SLC16A7: variants seen among roughly 807,000 people sequenced by gnomAD.
The protein encoded by SLC16A7 is monocarboxylate transporter 2.
In SLC16A7, 33 loss-of-function variants were observed where a neutral mutation model predicts 34.9. The ratio of observed to expected loss-of-function variants is 0.94; its 90% CI spans 0.72 to 1.26. The LOEUF is 1.26. Among genes scored for constraint, SLC16A7 ranks in the 50% most tolerant of loss-of-function variants. SLC16A7 has a pLI of 0.00. For synonymous variants in SLC16A7, 201 were observed against 206.6 expected (o/e 0.97, Z 0.23); for missense variants, 573 against 578.1 (o/e 0.99, Z 0.09).
At chr12:59,657,154 A>T (rs954820082) in intron 2 of SLC16A7, among the ~76,000 whole-genome samples, 11 of 152,050 alleles carry the variant, frequency 7.2e-5, no homozygotes, top group Admixed American at 3.3e-4. Context: ...CTTTATTCAG[A>T]TATAGATAGG....
At chr12:59,675,239 G>T (rs1285276690) in intron 2 of SLC16A7, among the ~76,000 whole-genome samples, 2 of 152,068 alleles carry the variant, frequency 1.3e-5, no homozygotes, top group Non-Finnish European at 2.9e-5. Context: ...TAGTGTTATG[G>T]GCTGAATCTT....
chr12:59,714,537 C>G (rs1159770134), intron 3 of SLC16A7, among the ~76,000 whole-genome samples: 2 of 151,496 alleles, frequency 1.3e-5, no homozygotes, highest in African/African-American at 4.8e-5. Context: ...TGTGCACCCA[C>G]CCCTGGTGTC....
chr12:59,607,083 C>A (rs898475858), intron 1 of SLC16A7, among the ~76,000 whole-genome samples: 6 of 152,146 alleles, frequency 3.9e-5, no homozygotes, highest in African/African-American at 1.2e-4. Context: ...TGGCTGCCTT[C>A]CTGCTGCAGG....
chr12:59,615,804 T>C (rs1271971481), intron 1 of SLC16A7, among the ~76,000 whole-genome samples: 1 of 152,206 alleles, frequency 6.6e-6, no homozygotes, highest in Non-Finnish European at 1.5e-5. Context: ...TTCACTTTAT[T>C]CATGAGAGAT....
intron 3 of SLC16A7, among the ~76,000 whole-genome samples, chr12:59,760,606 T>G (rs1408586513): frequency 6.6e-6 from 1 of 152,088 alleles, no homozygotes; most frequent in Non-Finnish European, 1.5e-5. Context: ...AAGATCTTAC[T>G]GTACTATACT....
chr12:59,770,632 G>A (rs1321243609), intron 3 of SLC16A7, among the ~76,000 whole-genome samples: 1 of 152,136 alleles, frequency 6.6e-6, no homozygotes, highest in African/African-American at 2.4e-5. Context: ...GCCTCTTGAT[G>A]AACCTATATT....
chr12:59,628,364 A>G (rs1880019660), intron 1 of SLC16A7, among the ~76,000 whole-genome samples: 1 of 151,872 alleles, frequency 6.6e-6, no homozygotes, highest in Non-Finnish European at 1.5e-5. Flanking sequence ...GCAATCATGT[A>G]CTAGCCTCCA....
intron 3 of SLC16A7, among the ~76,000 whole-genome samples, chr12:59,725,149 T>G (rs1795882): frequency 0.044 from 6,711 of 151,964 alleles, 476 homozygotes; most frequent in African/African-American, 0.15. Flanking sequence ...AGAATACTAT[T>G]TTTGATGCGT....
chr12:59,774,675 A>G lies in SLC16A7; in HGVS notation c.380A>G (p.Asn127Ser). ...GFITGLGLAF[N>S]LQPALTIIGK... ...TTTTTAGGTTTAGGTTTAGCCTTCAACCTGCAACCCGCCTTAACCATAATT... is the reference window on the plus strand; with the variant it reads ...TTTTTAGGTTTAGGTTTAGCCTTCAGCCTGCAACCCGCCTTAACCATAATT... The change falls in exon 5 of 6, where the codon AAC becomes AGC. Residue 127 changes from asparagine (N) to serine (S), a missense_variant. By Grantham distance (46) the Asn-to-Ser change is conservative. Coordinates refer to ENST00000547379, the MANE Select transcript of SLC16A7 (RefSeq NM_001270623.2). The G allele has an allele frequency of 6.3e-7, 1 of 1,590,694 alleles. No homozygotes were observed. The highest frequency in any genetic ancestry group is 8.5e-7 in the Non-Finnish European group (1 of 1,170,570).
At chr12:59,605,411 C>T (rs1657366029) in intron 1 of SLC16A7, among the ~76,000 whole-genome samples, 1 of 152,112 alleles carries the variant, frequency 6.6e-6, no homozygotes, top group Non-Finnish European at 1.5e-5. Context: ...GGCAAGACTC[C>T]CATGGAAGCC....
At chr12:59,621,282 T>A (rs1879685748) in intron 1 of SLC16A7, among the ~76,000 whole-genome samples, 1 of 151,896 alleles carries the variant, frequency 6.6e-6, no homozygotes, top group Non-Finnish European at 1.5e-5. Context: ...TATAGTCTTC[T>A]TTCCTGGATA....
At chr12:59,640,783 A>G (rs1477904294) in intron 1 of SLC16A7, among the ~76,000 whole-genome samples, 4 of 152,216 alleles carry the variant, frequency 2.6e-5, no homozygotes, top group Admixed American at 2.6e-4. Flanking sequence ...GAAGCCTCAT[A>G]AAGAGTCTGA....
At chr12:59,670,585 T>A (rs1869598364) in intron 2 of SLC16A7, among the ~76,000 whole-genome samples, 1 of 152,150 alleles carries the variant, frequency 6.6e-6, no homozygotes. Context: ...TTCCTCTCCA[T>A]CTGTGAATCT....
chr12:59,665,420 C>G (rs541334675), intron 2 of SLC16A7, among the ~76,000 whole-genome samples: 7 of 150,994 alleles, frequency 4.6e-5, no homozygotes, highest in African/African-American at 1.7e-4. Context: ...ATATTTGTAA[C>G]TATGTATGTG....
chr12:59,716,710 A>G (rs981978634), intron 3 of SLC16A7, among the ~76,000 whole-genome samples: 14 of 152,024 alleles, frequency 9.2e-5, no homozygotes, highest in Admixed American at 2.6e-4. Context: ...TTACTGGGGT[A>G]TGGTGGTGTG....
At chr12:59,654,691 GCACA>G (rs757897535) in intron 1 of SLC16A7, among the ~76,000 whole-genome samples, 21 of 137,602 alleles carry the variant, frequency 1.5e-4, no homozygotes, top group South Asian at 4.9e-4. Context: ...ACATAGGCAT[GCACA>G]CACACACACA....
chr12:59,630,432 T>A (rs73357279), intron 1 of SLC16A7, among the ~76,000 whole-genome samples: 3,703 of 151,920 alleles, frequency 0.024, 161 homozygotes, highest in African/African-American at 0.085. Context: ...TTAATAAACC[T>A]CTTTGAGGCT....
At chr12:59,672,694 A>G (rs948450089) in intron 2 of SLC16A7, among the ~76,000 whole-genome samples, 1 of 152,122 alleles carries the variant, frequency 6.6e-6, no homozygotes, top group Non-Finnish European at 1.5e-5. Flanking sequence ...TTACATTCAC[A>G]TGTAAATTTA....
chr12:59,623,037 T>G (rs1879763493), intron 1 of SLC16A7, among the ~76,000 whole-genome samples: 1 of 146,700 alleles, frequency 6.8e-6, no homozygotes, highest in Non-Finnish European at 1.5e-5. Context: ...AGCATTTCCC[T>G]ACTGAATGCT....
Sources: allele counts gnomAD v4.1 joint callset (sites outside exome capture counted in the v4.1 genomes callset), GRCh38; gene constraint gnomAD v4.1.1; transcripts MANE v1.5; gene names NCBI Gene and HGNC (gene_info 2026-07-23, HGNC 2026-07-21).